The following ARHGAP10 variants were observed in gnomAD, a reference collection of about 807,000 sequenced individuals.
ARHGAP10 encodes rho GTPase-activating protein 10.
Under a neutral mutation model 108.6 loss-of-function variants are expected in ARHGAP10, and 87 were observed. The observed-to-expected ratio is 0.80, with a 90% CI of 0.67 to 0.96. The LOEUF is 0.96. ARHGAP10 is among the 40% of genes least tolerant of loss of function. The pLI is 0.00. For synonymous variants in ARHGAP10, 347 were observed against 341.1 expected (o/e 1.02, Z -0.19); for missense variants, 939 against 954.5 (o/e 0.98, Z 0.21).
chr4:147,973,104 T>C (rs7667784), intron 18 of ARHGAP10, among the ~76,000 whole-genome samples: 302 of 152,184 alleles, frequency 2.0e-3, no homozygotes, highest in African/African-American at 7.1e-3. Context: ...ACTTGTAAGA[T>C]GTATGTGAAT....
chr4:147,760,923 A>C (rs1476374248), intron 1 of ARHGAP10, among the ~76,000 whole-genome samples: 1 of 152,188 alleles, frequency 6.6e-6, no homozygotes, highest in Non-Finnish European at 1.5e-5. Context: ...TTGGAACAAA[A>C]GGCTGAGTGT....
chr4:147,733,873 G>GT (rs915949632), intron 1 of ARHGAP10, among the ~76,000 whole-genome samples: 12 of 151,964 alleles, frequency 7.9e-5, no homozygotes, highest in East Asian at 5.8e-4. Flanking sequence ...CTCACTTAGG[G>GT]TTTTTTTGTT....
intron 18 of ARHGAP10, among the ~76,000 whole-genome samples, chr4:147,983,465 G>A (rs1363699401): frequency 1.3e-5 from 2 of 151,714 alleles, no homozygotes; most frequent in African/African-American, 2.4e-5. Flanking sequence ...GATTATAGGC[G>A]TGAGCCACTG....
chr4:147,751,408 G>A (rs1729143366), intron 1 of ARHGAP10, among the ~76,000 whole-genome samples: 1 of 151,136 alleles, frequency 6.6e-6, no homozygotes, highest in East Asian at 1.9e-4. Context: ...CTTCCACCCA[G>A]GCCAGGGTGC....
At chr4:147,977,094 G>A (rs189017227) in intron 18 of ARHGAP10, among the ~76,000 whole-genome samples, 7 of 152,332 alleles carry the variant, frequency 4.6e-5, no homozygotes, top group African/African-American at 9.6e-5. Flanking sequence ...CTGGAGATGC[G>A]GAGCTGCAAA....
intron 18 of ARHGAP10, among the ~76,000 whole-genome samples, chr4:147,989,813 C>G (rs1387217098): frequency 6.6e-6 from 1 of 152,010 alleles, no homozygotes; most frequent in Non-Finnish European, 1.5e-5. Flanking sequence ...TCTCGGCTGA[C>G]AGGATTAAGA....
chr4:147,903,671 C>T (rs1200492819), intron 10 of ARHGAP10, among the ~76,000 whole-genome samples: 1 of 152,176 alleles, frequency 6.6e-6, no homozygotes, highest in Admixed American at 6.5e-5. Context: ...TGTAGTTTGA[C>T]CTTTTCCAGA....
rs577089887 is a variant in ARHGAP10, at chr4:147,864,710, T to A, written c.487-136T>A. 34 of 644,744 alleles carry A rather than the reference T, an allele frequency of 5.3e-5. No individual in the cohort carries two copies. The South Asian group carries it at 6.7e-4, about 13-fold the overall frequency. 39.9% of individuals were successfully genotyped at this position (644,744 alleles called of 1,614,324 possible). A position where few individuals can be genotyped will look rare whatever the true frequency, so the allele number is the denominator to read the frequency against. On this transcript the variant is annotated intron_variant, in intron 5 of 22. Coordinates refer to ENST00000336498, the MANE Select transcript of ARHGAP10 (RefSeq NM_024605.4). ...CAATACATAAATGAATTGTCGTACC[T>A]GTGTTGCAATACTTTATTTACAAAA...
intron 1 of ARHGAP10, among the ~76,000 whole-genome samples, chr4:147,739,967 A>T (rs1578985848): frequency 6.8e-6 from 1 of 146,856 alleles, no homozygotes; most frequent in South Asian, 2.2e-4. Flanking sequence ...AACTCCTGAC[A>T]TCAGGTGATC....
At chr4:148,042,318 CTT>C (rs1728667980) in intron 19 of ARHGAP10, among the ~76,000 whole-genome samples, 1 of 152,184 alleles carries the variant, frequency 6.6e-6, no homozygotes, top group African/African-American at 2.4e-5. Flanking sequence ...CACTTCCCTG[CTT>C]AATCCCTGCA....
At chr4:147,909,286 A>G (rs568249097) in intron 11 of ARHGAP10, among the ~76,000 whole-genome samples, 1 of 152,352 alleles carries the variant, frequency 6.6e-6, no homozygotes, top group South Asian at 2.1e-4. Context: ...CAGTGGGTAC[A>G]CCAGCCTCCC....
intron 18 of ARHGAP10, among the ~76,000 whole-genome samples, chr4:147,981,787 A>C (rs1739816391): frequency 6.6e-6 from 1 of 152,158 alleles, no homozygotes; most frequent in Non-Finnish European, 1.5e-5. Context: ...TGTTGAATTT[A>C]ACCTTTTATC....
intron 18 of ARHGAP10, among the ~76,000 whole-genome samples, chr4:147,978,466 G>C (rs1397392262): frequency 2.0e-5 from 3 of 152,166 alleles, no homozygotes; most frequent in African/African-American, 7.2e-5. Context: ...TTAGTGGGAG[G>C]TGATTGGATA....
At chr4:147,749,451 A>C (rs1729054818) in intron 1 of ARHGAP10, among the ~76,000 whole-genome samples, 1 of 152,224 alleles carries the variant, frequency 6.6e-6, no homozygotes, top group African/African-American at 2.4e-5. Context: ...AAGAAAAACT[A>C]ATTTTTGTGG....
intron 7 of ARHGAP10, among the ~76,000 whole-genome samples, chr4:147,871,257 C>A (rs901464149): frequency 1.3e-5 from 2 of 151,812 alleles, no homozygotes; most frequent in African/African-American, 4.8e-5. Context: ...CACGTCCGGC[C>A]GTGTGTGTGT....
At chr4:147,854,610 A>G (rs972429068) in intron 4 of ARHGAP10, 108 of 786,716 alleles carry the variant, frequency 1.4e-4, no homozygotes, top group Non-Finnish European at 1.6e-4. Flanking sequence ...ATTGGGGGAA[A>G]AAAAAAGCTC....
intron 16 of ARHGAP10, among the ~76,000 whole-genome samples, chr4:147,963,616 G>C (rs1739087967): frequency 1.3e-5 from 2 of 152,214 alleles, no homozygotes; most frequent in African/African-American, 4.8e-5. Context: ...AAGGGATTGT[G>C]TTTTCCAGGG....
chr4:147,859,121 G>T (rs1269401935), intron 5 of ARHGAP10, among the ~76,000 whole-genome samples: 1 of 152,092 alleles, frequency 6.6e-6, no homozygotes, highest in Non-Finnish European at 1.5e-5. Context: ...TTTTCCTTCT[G>T]CCTGGTATGT....
At chr4:147,806,462 T>C (rs1277472997) in intron 1 of ARHGAP10, among the ~76,000 whole-genome samples, 1 of 151,112 alleles carries the variant, frequency 6.6e-6, no homozygotes, top group Admixed American at 6.6e-5. Context: ...TAGTACCAGA[T>C]TAAGTAATCA....
Sources: gnomAD v4.1 joint callset for allele counts (sites outside exome capture counted in the v4.1 genomes callset) on GRCh38, gnomAD v4.1.1 for gene constraint, MANE v1.5 for transcripts, NCBI Gene and HGNC (gene_info 2026-07-23, HGNC 2026-07-21) for gene names.